Variants in ANK3 observed in about 807,000 individuals in gnomAD.
ANK3 encodes ankyrin-3.
ANK3 carries 57 observed loss-of-function variants against 370.9 expected under a neutral mutation model. The observed-to-expected ratio is 0.15, with a 90% CI of 0.12 to 0.19. The LOEUF (loss-of-function observed/expected upper bound fraction) is 0.19, where lower values mean the gene tolerates loss of function less well. Ranked by LOEUF, ANK3 falls within the 10% of genes least tolerant of loss-of-function variation. The pLI, the probability that ANK3 is intolerant of heterozygous loss-of-function variation, is 1.00. For missense variants in ANK3, 4,439 were observed against 5,302.1 expected, an observed-to-expected ratio of 0.84 and a Z score of 5.06; for synonymous variants, 1,929 against 1,946.3, an observed-to-expected ratio of 0.99 and a Z score of 0.23.
rs2082212800 is a variant in ANK3 at position 60,069,158 on chromosome 10, T to A, written c.11723A>T (p.Asp3908Val). 6.2e-7 allele frequency: 1 copy of A among 1,614,090 alleles called. No homozygotes were observed. The highest frequency in any genetic ancestry group is 2.2e-5 in the East Asian group (1 of 44,896). Residue 3908 changes from aspartate to valine, a missense_variant, in exon 37 of 44, where the codon GAT becomes GTT. Around this residue, in one of 13 missense-constraint regions of ANK3, gnomAD observed 496 missense variants for 529.3 expected, o/e 0.94. Transcript: ENST00000280772. ...TTTCACTGGAATTCTGGACTTTACA[T>A]CTACACATGAAGAAGTAGTAAGGGC... is the stretch of plus-strand genomic sequence containing the variant. ...TKALTTSSCV[D>V]VKSRIPVKNT...
chr10:60,527,813 G>A (rs1240557550), intron 2 of ANK3, among the ~76,000 whole-genome samples: 1 of 152,002 alleles, frequency 6.6e-6, no homozygotes, highest in African/African-American at 2.4e-5. Context: ...AGCATTTCAG[G>A]GAAAAGCTGA....
intron 16 of ANK3, among the ~76,000 whole-genome samples, chr10:60,195,023 G>A (rs1270798683): frequency 3.3e-5 from 5 of 152,222 alleles, no homozygotes; most frequent in East Asian, 3.9e-4. Context: ...ACAATGATGT[G>A]ATCTAAACAT....
At chr10:60,348,347 C>CAAAAAAAAAAAAAAAAA (rs35147179) in intron 1 of ANK3, among the ~76,000 whole-genome samples, 6 of 68,158 alleles carry the variant, frequency 8.8e-5, no homozygotes, top group Middle Eastern at 0.01. Context: ...TATCACTAGC[C>CAAAAAAAAAAAAAAAAA]AAAAAAAAAA....
intron 36 of ANK3, among the ~76,000 whole-genome samples, chr10:60,076,751 GA>G (rs2083931190): frequency 6.6e-6 from 1 of 151,970 alleles, no homozygotes; most frequent in South Asian, 2.1e-4. Context: ...AAAACATGAG[GA>G]AAGAATTAAT....
intron 5 of ANK3, among the ~76,000 whole-genome samples, chr10:60,269,330 A>T (rs933618935): frequency 6.6e-6 from 1 of 152,158 alleles, no homozygotes; most frequent in Non-Finnish European, 1.5e-5. Flanking sequence ...CAAATACCAC[A>T]TCTATTTAAC....
Position 60,082,632 on chromosome 10 carries a change from G to C in ANK3, c.4306C>G (p.Leu1436Val). 3.7e-6 allele frequency: 6 copies of C among 1,614,036 alleles called. No individual in the cohort carries two copies. The highest frequency in any genetic ancestry group is 5.1e-6 in the Non-Finnish European group (6 of 1,179,944). Residue 1436 changes from leucine to valine, a missense_variant, in exon 34 of 44, where the codon CTG (leucine) becomes GTG (valine). Leu to Val is a conservative substitution (Grantham distance 32). Coordinates refer to ENST00000280772, the MANE Select transcript of ANK3 (RefSeq NM_020987.5). ...QTAVCNLNIT[L>V]PAHKKETESD... is the part of the protein sequence containing the mutation. Reference sequence around the variant, plus strand: ...AAAGATACCTTTTTATGTGCTGGCAGAGTGATATTTAAGTTGCAAACCGCT... The same window carrying C: ...AAAGATACCTTTTTATGTGCTGGCACAGTGATATTTAAGTTGCAAACCGCT...
At chr10:60,218,639 G>T (rs1350232094) in intron 8 of ANK3, among the ~76,000 whole-genome samples, 1 of 152,110 alleles carries the variant, frequency 6.6e-6, no homozygotes, top group Non-Finnish European at 1.5e-5. Flanking sequence ...TAGAGTTTCT[G>T]CTGAGAGGTC....
chr10:60,657,146 C>T (rs967049575), intron 1 of ANK3, among the ~76,000 whole-genome samples: 1 of 152,160 alleles, frequency 6.6e-6, no homozygotes, highest in African/African-American at 2.4e-5. Flanking sequence ...AGAGCTTATG[C>T]AGGGGAACTC....
Position 60,688,860 on chromosome 10 carries a change from A to G in ANK3, c.57+44403T>C, listed in dbSNP as rs1008197928. 2.6e-5 allele frequency among the ~76,000 whole-genome samples: 4 copies of G among 152,222 alleles called. No homozygotes were observed. In the South Asian group the frequency reaches 8.3e-4, roughly 32 times the overall value. ...ATACTCAGGAAGCTGAGGCAGGAGA[A>G]TCACTTGAACCCAGGAGGCAGAGGT... On this transcript the variant is annotated intron_variant, in intron 1 of 43. Coordinates refer to the ANK3 transcript ENST00000373827.
intron 25 of ANK3, among the ~76,000 whole-genome samples, chr10:60,132,771 G>A (rs186812615): frequency 1.4e-3 from 215 of 151,428 alleles, no homozygotes; most frequent in Non-Finnish European, 2.4e-3. Context: ...TGCCCACCAC[G>A]ACACCTGGCT....
chr10:60,666,290 G>T (rs531816417), intron 1 of ANK3, among the ~76,000 whole-genome samples: 1 of 152,116 alleles, frequency 6.6e-6, no homozygotes. Flanking sequence ...AGTGAAATAA[G>T]CCAGTCACAA....
intron 28 of ANK3, among the ~76,000 whole-genome samples, chr10:60,100,239 T>TTG (rs2090992827): frequency 7.2e-6 from 1 of 138,892 alleles, no homozygotes; most frequent in Admixed American, 7.2e-5. Context: ...CTATGGTTTT[T>TTG]TTTTTTTTTT....
chr10:60,247,191 T>C (rs1344143758), intron 7 of ANK3, among the ~76,000 whole-genome samples: 1 of 151,984 alleles, frequency 6.6e-6, no homozygotes, highest in Non-Finnish European at 1.5e-5. Flanking sequence ...AATTTTTTTG[T>C]ATTTTTTAGT....
chr10:60,683,923 G>A (rs2079230572), intron 1 of ANK3, among the ~76,000 whole-genome samples: 1 of 152,204 alleles, frequency 6.6e-6, no homozygotes, highest in Non-Finnish European at 1.5e-5. Flanking sequence ...CAGAAGGAAG[G>A]AAGAAAGGTA....
chr10:60,485,187 T>C (rs915748488), intron 2 of ANK3, among the ~76,000 whole-genome samples: 1 of 152,170 alleles, frequency 6.6e-6, no homozygotes, highest in African/African-American at 2.4e-5. Context: ...CTGGATTCTA[T>C]TACATGCTAC....
intron 1 of ANK3, among the ~76,000 whole-genome samples, chr10:60,365,485 C>T (rs2059270322): frequency 6.6e-6 from 1 of 152,168 alleles, no homozygotes; most frequent in African/African-American, 2.4e-5. Flanking sequence ...TATTGCATGA[C>T]ATTATAAGCA....
intron 28 of ANK3, among the ~76,000 whole-genome samples, chr10:60,098,123 G>T (rs529928116): frequency 6.6e-6 from 1 of 152,004 alleles, no homozygotes; most frequent in African/African-American, 2.4e-5. Flanking sequence ...ATTAGGATGA[G>T]CAGTTTCCTC....
At chr10:60,552,361 T>C (rs149278161) in intron 2 of ANK3, among the ~76,000 whole-genome samples, 22 of 152,348 alleles carry the variant, frequency 1.4e-4, no homozygotes, top group African/African-American at 3.8e-4. Context: ...AATATCCATG[T>C]CTCAGATTTC....
At chr10:60,285,238 G>A (rs534635451) in intron 1 of ANK3, among the ~76,000 whole-genome samples, 2 of 152,036 alleles carry the variant, frequency 1.3e-5, no homozygotes, top group South Asian at 2.1e-4. Flanking sequence ...GATAACTCAG[G>A]TAATTAACAA....
Sources: gnomAD v4.1 joint callset for allele counts (sites outside exome capture counted in the v4.1 genomes callset) on GRCh38, gnomAD v4.1.1 for gene constraint, gnomAD v4.1.1 regional missense constraint, MANE v1.5 for transcripts, NCBI Gene and HGNC (gene_info 2026-07-23, HGNC 2026-07-21) for gene names.